Variants in TENM2 observed in about 807,000 individuals in gnomAD.
TENM2 encodes the protein teneurin-2.
In TENM2, 52 loss-of-function variants were observed where a neutral mutation model predicts 245.2. That is an observed-to-expected ratio of 0.21 (90% confidence interval 0.17 to 0.27). The LOEUF (loss-of-function observed/expected upper bound fraction) is 0.27. TENM2 is among the 10% of genes least tolerant of loss of function. The pLI is 1.00. For synonymous variants in TENM2, 1,363 were observed against 1,438.9 expected, an observed-to-expected ratio of 0.95 and a Z score of 1.19; for missense variants, 3,046 against 3,666.8, an observed-to-expected ratio of 0.83 and a Z score of 4.37.
chr5:167,494,780 C>T (rs1237002442), intron 2 of TENM2, among the ~76,000 whole-genome samples: 1 of 152,072 alleles, frequency 6.6e-6, no homozygotes, highest in Non-Finnish European at 1.5e-5. Flanking sequence ...TAACTGTCTA[C>T]CTTAGTCTGT....
intron 2 of TENM2, among the ~76,000 whole-genome samples, chr5:167,493,271 C>G (rs899409521): frequency 6.6e-6 from 1 of 151,756 alleles, no homozygotes; most frequent in Admixed American, 6.6e-5. Context: ...GAGTAAGACC[C>G]TGTCTCTAAA....
chr5:167,424,365 G>A (rs1763689552), intron 2 of TENM2, among the ~76,000 whole-genome samples: 1 of 152,004 alleles, frequency 6.6e-6, no homozygotes, highest in Non-Finnish European at 1.5e-5. Context: ...CTCTTTCAGG[G>A]CTTGGCCTGC....
intron 5 of TENM2, among the ~76,000 whole-genome samples, chr5:168,036,960 A>G (rs1787766408): frequency 6.6e-6 from 1 of 151,880 alleles, no homozygotes; most frequent in African/African-American, 2.4e-5. Context: ...ACTGACATTA[A>G]GCATATCAGA....
intron 6 of TENM2, among the ~76,000 whole-genome samples, chr5:168,059,281 C>T (rs1216580477): frequency 8.5e-5 from 13 of 152,176 alleles, no homozygotes; most frequent in Non-Finnish European, 1.6e-4. Flanking sequence ...ACATCTCCAG[C>T]ATCTGCATCT....
At chr5:167,326,112 T>G (rs1220962573) in intron 1 of TENM2, among the ~76,000 whole-genome samples, 1 of 152,102 alleles carries the variant, frequency 6.6e-6, no homozygotes, top group African/African-American at 2.4e-5. Context: ...GGGTACAGGC[T>G]TGAAGAGAGA....
intron 7 of TENM2, among the ~76,000 whole-genome samples, chr5:168,084,780 C>A (rs192093727): frequency 6.6e-6 from 1 of 152,306 alleles, no homozygotes; most frequent in East Asian, 1.9e-4. Context: ...CAGCCAACAC[C>A]CAGCAAAGCC....
intron 2 of TENM2, among the ~76,000 whole-genome samples, chr5:167,478,990 A>ATATGTGTGTGTGTG (rs1554163338): frequency 6.6e-6 from 1 of 151,252 alleles, no homozygotes; most frequent in African/African-American, 2.4e-5. Context: ...CTTTATATAT[A>ATATGTGTGTGTGTG]TGTGTGTGTG....
intron 1 of TENM2, among the ~76,000 whole-genome samples, chr5:167,332,169 G>A (rs1757498145): frequency 6.6e-6 from 1 of 152,030 alleles, no homozygotes; most frequent in African/African-American, 2.4e-5. Context: ...AAAAAATTTG[G>A]GCGTTACGAT....
At chr5:167,453,901 T>C (rs1254418770) in intron 2 of TENM2, among the ~76,000 whole-genome samples, 1 of 152,232 alleles carries the variant, frequency 6.6e-6, no homozygotes, top group Admixed American at 6.5e-5. Flanking sequence ...TTTTAAAGTC[T>C]TCCTGCATTC....
chr5:168,179,824 T>G (rs1467740827), intron 13 of TENM2, among the ~76,000 whole-genome samples: 1 of 152,196 alleles, frequency 6.6e-6, no homozygotes, highest in African/African-American at 2.4e-5. Context: ...GGTGTCTTAA[T>G]AAAGGCATGC....
chr5:168,103,414 T>A (rs988169038), intron 9 of TENM2, among the ~76,000 whole-genome samples: 37 of 152,152 alleles, frequency 2.4e-4, no homozygotes, highest in African/African-American at 8.0e-4. Context: ...TTCTTTCTCA[T>A]CCAGGATCCC....
chr5:167,397,701 A>G (rs1762134419), intron 2 of TENM2, among the ~76,000 whole-genome samples: 1 of 152,156 alleles, frequency 6.6e-6, no homozygotes, highest in Non-Finnish European at 1.5e-5. Flanking sequence ...TACTGTTTCT[A>G]TTCCTGCTGA....
At chr5:167,906,993 G>A (rs1776135659) in intron 3 of TENM2, among the ~76,000 whole-genome samples, 1 of 152,174 alleles carries the variant, frequency 6.6e-6, no homozygotes, top group African/African-American at 2.4e-5. Context: ...CGCACTTTGG[G>A]AGGCTGAGGC....
At chr5:167,516,232 T>C (rs1162527584) in intron 2 of TENM2, among the ~76,000 whole-genome samples, 1 of 152,142 alleles carries the variant, frequency 6.6e-6, no homozygotes, top group Non-Finnish European at 1.5e-5. Context: ...ACATGGTCTT[T>C]ACTTCCAGAC....
intron 2 of TENM2, among the ~76,000 whole-genome samples, chr5:167,617,363 C>T (rs1404461436): frequency 6.6e-6 from 1 of 152,066 alleles, no homozygotes; most frequent in Non-Finnish European, 1.5e-5. Context: ...ACTATAGTTA[C>T]GTAAAATGAT....
chr5:168,190,669 G>C, intron 14 of TENM2, 122 bp downstream of exon 16: 1 of 791,908 alleles, frequency 1.3e-6, no homozygotes. Context: ...CCTAGAGGCA[G>C]CTCCCTCCAA....
chr5:167,598,892 T>A (rs1252539623), intron 2 of TENM2, among the ~76,000 whole-genome samples: 1 of 152,206 alleles, frequency 6.6e-6, no homozygotes, highest in Non-Finnish European at 1.5e-5. Flanking sequence ...ACTCCCTCCA[T>A]CACGAAAGTT....
intron 2 of TENM2, among the ~76,000 whole-genome samples, chr5:167,517,462 T>C (rs887330728): frequency 6.6e-6 from 1 of 152,104 alleles, no homozygotes; most frequent in Non-Finnish European, 1.5e-5. Flanking sequence ...AAGGGTGAAA[T>C]TCCTTCACTA....
intron 4 of TENM2, among the ~76,000 whole-genome samples, chr5:167,954,123 T>A (rs1780340541): frequency 6.8e-6 from 1 of 147,752 alleles, no homozygotes; most frequent in South Asian, 2.1e-4. Flanking sequence ...CAAAGGGTGC[T>A]GCATTATTAT....
Sources: gnomAD v4.1 joint callset for allele counts (sites outside exome capture counted in the v4.1 genomes callset) on GRCh38, gnomAD v4.1.1 for gene constraint, MANE v1.5 for transcripts, NCBI Gene and HGNC (gene_info 2026-07-23, HGNC 2026-07-21) for gene names.